CELSR1: variants seen among roughly 807,000 people sequenced by gnomAD.
CELSR1 encodes the protein adhesion G protein-coupled receptor C1.
Under a neutral mutation model 249.1 loss-of-function variants are expected in CELSR1, and 110 were observed. That is an observed-to-expected ratio of 0.44 (90% CI 0.38 to 0.52). The LOEUF is 0.52. Among genes scored for constraint, CELSR1 ranks in the 20% least tolerant of loss-of-function variants. The pLI, the probability that CELSR1 is intolerant of heterozygous loss-of-function variation, is 0.00. For synonymous variants in CELSR1, 2,113 were observed against 1,900.0 expected (o/e 1.11, Z -2.92); for missense variants, 4,109 against 4,296.4 (o/e 0.96, Z 1.22).
In CELSR1 at chr22:46,437,357, G is replaced by A. The variant is rs549544252; in HGVS notation, c.4407-1068C>T. 3.9e-5 allele frequency among the ~76,000 whole-genome samples: 6 copies of A among 152,310 alleles called. No individual in the cohort carries two copies. The highest frequency in any genetic ancestry group is 1.9e-4 in the East Asian group (1 of 5,188). ...GGTGTCTCCACCATCAGAGATACAC[G>A]GCAGGAACTCCTTTTAACCTAAGGT... On this transcript the variant is annotated intron_variant, in intron 3 of 34. Transcript: ENST00000674500. The surrounding 1 kb of genome is among the most constrained non-coding windows in gnomAD (Gnocchi z 4.9).
At chr22:46,388,487 G>A (rs542205406) in intron 18 of CELSR1, among the ~76,000 whole-genome samples, 18 of 152,280 alleles carry the variant, frequency 1.2e-4, no homozygotes, top group South Asian at 2.1e-4. Context: ...GGTCTCTGGC[G>A]GCCTTATGCA....
intron 1 of CELSR1, among the ~76,000 whole-genome samples, chr22:46,524,672 T>C (rs915516710): frequency 1.3e-5 from 2 of 152,056 alleles, no homozygotes; most frequent in African/African-American, 2.4e-5. Flanking sequence ...AAGGCTGCTG[T>C]GGGGCTTTTC....
Position 46,513,230 on chromosome 22 carries a change from C to T in CELSR1, c.3544+20397G>A, listed in dbSNP as rs563597169. 5.9e-5 allele frequency among the ~76,000 whole-genome samples: 9 copies of T among 152,302 alleles called. No individual in the cohort carries two copies. The East Asian group carries it at 1.2e-3, about 20-fold the overall frequency. On this transcript the variant is annotated intron_variant, in intron 1 of 34. Coordinates refer to ENST00000674500, the MANE Select transcript of CELSR1 (RefSeq NM_001378328.1). ...CATGAAGGAAACACTCAAGGAAAGG[C>T]GGTATCCAACTACGGCCTTTATTCC...
chr22:46,386,420 T>A lies in CELSR1; in HGVS notation c.6721A>T (p.Ile2241Phe). The change falls in exon 19 of 35, where the codon ATC (isoleucine) becomes TTC (phenylalanine). Residue 2241 changes from isoleucine to phenylalanine, a missense_variant. Around this residue, in one of 7 missense-constraint regions of CELSR1, gnomAD observed 1,805 missense variants for 1,831.6 expected, o/e 0.99. Coordinates refer to ENST00000674500, the MANE Select transcript of CELSR1 (RefSeq NM_001378328.1). ...GCCTTACTCATGTTGGCGGTGACGA[T>A]GACGAAGGGCCGCAGGTACGTCCGC... ...VRRTYLRPFV[I>F]VTANMILAVD... The A allele has an allele frequency of 6.3e-7, 1 of 1,584,396 alleles. No homozygotes were observed. The highest frequency in any genetic ancestry group is 8.6e-7 in the Non-Finnish European group (1 of 1,165,364).
chr22:46,422,791 T>C (rs1351364298), intron 5 of CELSR1, among the ~76,000 whole-genome samples: 1 of 146,974 alleles, frequency 6.8e-6, no homozygotes, highest in Non-Finnish European at 1.5e-5. Context: ...TGGCTCATAG[T>C]CCCATGACCC....
chr22:46,534,238 G>A lies in CELSR1; in HGVS notation c.2933C>T (p.Pro978Leu). Residue 978 changes from proline (P) to leucine (L), a missense_variant, in exon 1 of 35, where the codon CCC (proline) becomes CTC (leucine). Pro to Leu is a moderately conservative substitution (Grantham distance 98, BLOSUM62 -3). Coordinates refer to ENST00000674500, the MANE Select transcript of CELSR1 (RefSeq NM_001378328.1). This position sits in a 1 kb window ranked among gnomAD's most constrained non-coding sequence, Gnocchi z 9.7. ...CTGGATTTCTACCGAGGCGCTAAGG[G>A]GAGTGGGACTGCCCCGATCCACAGC... ...ALAVDRGSPT[P>L]LSASVEIQVT... The A allele has an allele frequency of 6.2e-7, 1 of 1,613,724 alleles. No individual in the cohort carries two copies. Among genetic ancestry groups the A allele is most frequent in the Non-Finnish European group, 8.5e-7 (1 of 1,180,036 alleles).
chr22:46,368,403 C>A (rs986812526), intron 27 of CELSR1, among the ~76,000 whole-genome samples: 6 of 151,846 alleles, frequency 4.0e-5, no homozygotes, highest in Non-Finnish European at 5.9e-5. Flanking sequence ...AGGCCCCAGA[C>A]CCCCCGTGCA....
In CELSR1 at chr22:46,402,007, G is replaced by C. The variant is rs547885947; in HGVS notation, c.5227-2105C>G. 2.5e-3 allele frequency among the ~76,000 whole-genome samples: 381 copies of C among 152,142 alleles called. 2 individuals are homozygous for C. Among genetic ancestry groups the C allele is most frequent in the Non-Finnish European group, 4.2e-3 (284 of 67,986 alleles). On this transcript the variant is annotated intron_variant, in intron 9 of 34. Transcript: ENST00000674500. This position sits in a 1 kb window ranked among gnomAD's most constrained non-coding sequence, Gnocchi z 5.0. ...GGAGGCTGAGACAGGAGAATTGCTT[G>C]AACTCGGGAGGCGGAGGTAGCAGTG... is the stretch of plus-strand genomic sequence containing the variant.
At chr22:46,523,849 T>A (rs540493762) in intron 1 of CELSR1, among the ~76,000 whole-genome samples, 1 of 152,196 alleles carries the variant, frequency 6.6e-6, no homozygotes, top group East Asian at 1.9e-4. Flanking sequence ...TTGTGACAGC[T>A]CTACCATAAG....
In CELSR1 at chr22:46,363,208, T is replaced by C. The variant is rs372842484; in HGVS notation, c.*15A>G. The stretch of plus-strand genomic sequence containing the variant: ...GTTTCCTGATGGTTCAAATTGAAGT[T>C]TCATTACTGATGGTTCAAATTGAAG... On this transcript the variant is annotated 3_prime_UTR_variant, in exon 35 of 35. Coordinates refer to ENST00000674500, the MANE Select transcript of CELSR1 (RefSeq NM_001378328.1). The surrounding 1 kb of genome is among the most constrained non-coding windows in gnomAD (Gnocchi z 4.3). 1.0e-5 allele frequency: 16 copies of C among 1,578,776 alleles called. No homozygotes were observed. Among genetic ancestry groups the C allele is most frequent in the Non-Finnish European group, 1.4e-5 (16 of 1,177,468 alleles).
At chr22:46,452,747 T>C (rs1316095857) in intron 2 of CELSR1, among the ~76,000 whole-genome samples, 1 of 152,204 alleles carries the variant, frequency 6.6e-6, no homozygotes, top group Admixed American at 6.5e-5. Flanking sequence ...TGGTGGGTCC[T>C]ACCTAGAGGG....
chr22:46,374,718 G>A lies in CELSR1; in HGVS notation c.7585-1661C>T, dbSNP rs2078898605. On this transcript the variant is annotated intron_variant, in intron 24 of 34. Coordinates refer to ENST00000674500, the MANE Select transcript of CELSR1 (RefSeq NM_001378328.1). This position sits in a 1 kb window ranked among gnomAD's most constrained non-coding sequence, Gnocchi z 4.3. ...TCTCCCCCATTCACGCCACTCAAAA[G>A]CACACTAGAGGGGTTTTGAGATGAA... is the stretch of plus-strand genomic sequence containing the variant. Among the ~76,000 whole-genome samples, 1 of 152,212 alleles carries A rather than the reference G, an allele frequency of 6.6e-6. No homozygotes were observed. Among genetic ancestry groups the A allele is most frequent in the Non-Finnish European group, 1.5e-5 (1 of 68,026 alleles).
Position 46,368,603 on chromosome 22 carries a change from C to A in CELSR1, c.7952+576G>T, listed in dbSNP as rs2078814588. On this transcript the variant is annotated intron_variant, in intron 27 of 34. Transcript: ENST00000674500. ...AGCTACCAGGTCACCAGGGGCTGGCCTTGTTGTCTGACAGATGCCCCCGTC... is the reference window on the plus strand; with the variant it reads ...AGCTACCAGGTCACCAGGGGCTGGCATTGTTGTCTGACAGATGCCCCCGTC... Among the ~76,000 whole-genome samples the A allele has an allele frequency of 2.0e-5, 3 of 148,078 alleles. No individual in the cohort carries two copies. The South Asian group carries it at 6.2e-4, about 31-fold the overall frequency.
intron 9 of CELSR1, among the ~76,000 whole-genome samples, chr22:46,405,781 G>T (rs191509824): frequency 6.6e-6 from 1 of 152,308 alleles, no homozygotes; most frequent in Non-Finnish European, 1.5e-5. Flanking sequence ...GGGCACAGGA[G>T]ACATCCTTTG....
At chr22:46,519,679 G>A (rs1309636997) in intron 1 of CELSR1, among the ~76,000 whole-genome samples, 1 of 152,166 alleles carries the variant, frequency 6.6e-6, no homozygotes, top group Non-Finnish European at 1.5e-5. Flanking sequence ...CAAGGTCCCA[G>A]AACCTGCAGA....
chr22:46,461,780 C>T (rs964997924), intron 2 of CELSR1, among the ~76,000 whole-genome samples: 2 of 152,232 alleles, frequency 1.3e-5, no homozygotes, highest in Non-Finnish European at 2.9e-5. Context: ...CAGGGACCCG[C>T]GGCCACGGCT....
At position 46,537,467 on chromosome 22, in the gene CELSR1, G is replaced by A. The variant is rs1390307403; in HGVS notation, c.-297C>T. ...ACCTGCGGCGGCGGCGGCGGCTCCA[G>A]GCGGCTCCAGGTGGCTCCGGCGCGG... is the stretch of plus-strand genomic sequence containing the variant. On this transcript the variant is annotated 5_prime_UTR_variant, in exon 1 of 35. Coordinates refer to ENST00000674500, the MANE Select transcript of CELSR1 (RefSeq NM_001378328.1). This position sits in a 1 kb window ranked among gnomAD's most constrained non-coding sequence, Gnocchi z 5.8. Among the ~76,000 whole-genome samples the A allele has an allele frequency of 6.8e-6, 1 of 147,980 alleles. No individual in the cohort carries two copies. The highest frequency in any genetic ancestry group is 1.5e-5 in the Non-Finnish European group (1 of 67,110).
At chr22:46,435,075 GTTCTT>G (rs1473569745) in intron 4 of CELSR1, among the ~76,000 whole-genome samples, 2 of 151,898 alleles carry the variant, frequency 1.3e-5, no homozygotes, top group Non-Finnish European at 2.9e-5. Context: ...CTGGAGAAAT[GTTCTT>G]TTCTAACAAC....
chr22:46,397,873 G>T lies in CELSR1; in HGVS notation c.5527-25C>A, dbSNP rs1017289982. Reference sequence around the variant, plus strand: ...CCTGCATTAAGTAAACGGCACTGGGGCTACAGGAGCCCGGAAAGGTATGTA... The same window carrying T: ...CCTGCATTAAGTAAACGGCACTGGGTCTACAGGAGCCCGGAAAGGTATGTA... On this transcript the variant is annotated intron_variant, in intron 11 of 34. Coordinates refer to ENST00000674500, the MANE Select transcript of CELSR1 (RefSeq NM_001378328.1). 6 of 1,500,368 alleles carry T rather than the reference G, an allele frequency of 4.0e-6. No individual in the cohort carries two copies. The African/African-American group carries it at 7.0e-5, about 18-fold the overall frequency. 92.9% of individuals were successfully genotyped at this position (1,500,368 alleles called of 1,614,324 possible). A position where few individuals can be genotyped will look rare whatever the true frequency, so the allele number is the denominator to read the frequency against.
Sources: gnomAD v4.1 joint callset for allele counts (sites outside exome capture counted in the v4.1 genomes callset) on GRCh38, gnomAD v4.1.1 for gene constraint, gnomAD v4.1.1 regional missense constraint, Gnocchi (gnomAD v3.1) non-coding constraint, MANE v1.5 for transcripts, NCBI Gene and HGNC (gene_info 2026-07-23, HGNC 2026-07-21) for gene names.